IQGAP2: variants seen among roughly 807,000 people sequenced by gnomAD.
IQGAP2 encodes the protein ras GTPase-activating-like protein IQGAP2.
In IQGAP2, 173 loss-of-function variants were observed where a neutral mutation model predicts 201.3. The ratio of observed to expected loss-of-function variants is 0.86; its 90% CI spans 0.76 to 0.98. IQGAP2 has a LOEUF of 0.98. IQGAP2 is among the 50% of genes least tolerant of loss of function. The pLI, the probability that IQGAP2 is intolerant of heterozygous loss-of-function variation, is 0.00. For synonymous variants in IQGAP2, 675 were observed against 673.9 expected, an observed-to-expected ratio of 1.00 and a Z score of -0.03; for missense variants, 1,687 against 1,864.8, an observed-to-expected ratio of 0.90 and a Z score of 1.76.
chr5:76,488,739 C>T (rs993446903), intron 2 of IQGAP2, among the ~76,000 whole-genome samples: 1 of 152,182 alleles, frequency 6.6e-6, no homozygotes, highest in African/African-American at 2.4e-5. Context: ...TGCCCTTTCC[C>T]TGTAATGGCC....
Position 76,683,201 on chromosome 5 carries a change from C to T in IQGAP2, c.3747C>T (p.Thr1249=), listed in dbSNP as rs1745457121. 7.5e-6 allele frequency: 12 copies of T among 1,610,564 alleles called. No homozygotes were observed. Among genetic ancestry groups the T allele is most frequent in the African/African-American group, 2.7e-5 (2 of 74,652 alleles). ...TGGGGTCGCTGGGAGAGGTGCCAAC[C>T]GTGGAATCTTTTCTTGGTAAGAGCT... ...ELLGSLGEVP[T]VESFLGEGAV... Residue 1249 remains threonine, a synonymous_variant, in exon 29 of 36, where the codon ACC becomes ACT. Transcript: ENST00000274364.
intron 11 of IQGAP2, among the ~76,000 whole-genome samples, chr5:76,601,330 A>C (rs974114432): frequency 9.2e-5 from 14 of 152,234 alleles, no homozygotes; most frequent in African/African-American, 3.1e-4. Flanking sequence ...CATCCAGTCC[A>C]ATTCTTTTAT....
chr5:76,622,207 T>C (rs2069652), intron 13 of IQGAP2, among the ~76,000 whole-genome samples: 1,968 of 152,224 alleles, frequency 0.013, 49 homozygotes, highest in African/African-American at 0.044. Context: ...ATTAGCGTCT[T>C]GAAGGAACCA....
At chr5:76,492,335 T>TG (rs1212637048) in intron 2 of IQGAP2, among the ~76,000 whole-genome samples, 2 of 152,108 alleles carry the variant, frequency 1.3e-5, no homozygotes, top group Non-Finnish European at 2.9e-5. Flanking sequence ...CTCCTGTCCC[T>TG]GGAAGGCAGA....
intron 13 of IQGAP2, chr5:76,616,103 T>G (rs1012159767): frequency 6.6e-6 from 1 of 152,670 alleles, no homozygotes; most frequent in African/African-American, 2.4e-5. Flanking sequence ...TTCTCCATTA[T>G]ACTTGGTACT....
At chr5:76,590,614 G>T in intron 8 of IQGAP2, 28 bp downstream of exon 8, 1 of 1,545,758 alleles carries the variant, frequency 6.5e-7, no homozygotes. Context: ...AATAAAAACA[G>T]TAATGAATGT....
At chr5:76,466,975 G>T (rs989591659) in intron 2 of IQGAP2, among the ~76,000 whole-genome samples, 19 of 152,354 alleles carry the variant, frequency 1.2e-4, no homozygotes, top group African/African-American at 4.6e-4. Flanking sequence ...CTTAAGTCGG[G>T]TGAGGTGGCT....
rs1561517666 is a variant in IQGAP2, at chr5:76,618,656, AAAGT to A, written c.1521+7475_1521+7478del. On this transcript the variant is annotated intron_variant, in intron 13 of 35. Coordinates refer to ENST00000274364, the MANE Select transcript of IQGAP2 (RefSeq NM_006633.5). ...CATTTTCCATGCCTGTAATTGAAAGAAAGTATTAACATAAATGTATAGTTCAAGA... is the reference window on the plus strand; with the variant it reads ...CATTTTCCATGCCTGTAATTGAAAGAATTAACATAAATGTATAGTTCAAGA... 3 of 1,588,798 alleles carry A rather than the reference AAAGT, an allele frequency of 1.9e-6. No individual in the cohort carries two copies. The Admixed American group carries it at 5.1e-5, about 27-fold the overall frequency.
intron 5 of IQGAP2, among the ~76,000 whole-genome samples, chr5:76,583,728 A>G (rs905164): frequency 0.58 from 88,219 of 152,080 alleles, 26,780 homozygotes; most frequent in East Asian, 0.77. Flanking sequence ...GAAATTAAAA[A>G]TGTAATTGGA....
chr5:76,472,238 G>C (rs1319294097), intron 2 of IQGAP2, among the ~76,000 whole-genome samples: 1 of 152,244 alleles, frequency 6.6e-6, no homozygotes, highest in Non-Finnish European at 1.5e-5. Context: ...AACTTGTGAG[G>C]AGCCCAGACT....
At chr5:76,668,080 T>G (rs1462148608) in intron 22 of IQGAP2, among the ~76,000 whole-genome samples, 1 of 151,892 alleles carries the variant, frequency 6.6e-6, no homozygotes, top group Non-Finnish European at 1.5e-5. Context: ...ACAGGGTCTG[T>G]CCATGTTGCC....
At chr5:76,453,869 T>G (rs1440886743) in intron 1 of IQGAP2, among the ~76,000 whole-genome samples, 1 of 152,232 alleles carries the variant, frequency 6.6e-6, no homozygotes, top group East Asian at 1.9e-4. Flanking sequence ...TTCTTTCCCT[T>G]CTTCTAAATA....
At chr5:76,561,423 T>C (rs1744355421) in intron 2 of IQGAP2, among the ~76,000 whole-genome samples, 2 of 152,146 alleles carry the variant, frequency 1.3e-5, no homozygotes, top group South Asian at 2.1e-4. Context: ...ACTGTTTAAG[T>C]GTTGGCAGGA....
intron 13 of IQGAP2, among the ~76,000 whole-genome samples, chr5:76,619,610 G>A (rs963470988): frequency 4.7e-5 from 7 of 149,670 alleles, no homozygotes; most frequent in Non-Finnish European, 3.0e-5. Flanking sequence ...TCCGCCTCCC[G>A]GGTTCACGCC....
At chr5:76,416,213 C>A (rs1751397040) in intron 1 of IQGAP2, among the ~76,000 whole-genome samples, 1 of 152,208 alleles carries the variant, frequency 6.6e-6, no homozygotes, top group Admixed American at 6.5e-5. Context: ...AATGTGATCA[C>A]AGCCTGTATA....
intron 2 of IQGAP2, among the ~76,000 whole-genome samples, chr5:76,463,684 C>A (rs2150128138): frequency 6.6e-6 from 1 of 152,136 alleles, no homozygotes; most frequent in Middle Eastern, 3.4e-3. Flanking sequence ...ATTTCAGATT[C>A]TTTGAGGAAA....
Position 76,654,274 on chromosome 5 carries a change from A to T in IQGAP2, c.2250+3A>T. 6.3e-7 allele frequency: 1 copy of T among 1,591,986 alleles called. No individual in the cohort carries two copies. Among genetic ancestry groups the T allele is most frequent in the Non-Finnish European group, 8.6e-7 (1 of 1,164,824 alleles). ...GACTACAGTATTTCAGAGATCATGT[A>T]AGAAAAATGCCTGTGGGATTTTATC... On this transcript the variant is annotated splice_donor_region_variant and intron_variant, in intron 19 of 35. Transcript: ENST00000274364.
intron 5 of IQGAP2, among the ~76,000 whole-genome samples, chr5:76,577,399 G>A (rs1655098648): frequency 6.6e-6 from 1 of 152,076 alleles, no homozygotes; most frequent in African/African-American, 2.4e-5. Flanking sequence ...TATTTTCCAG[G>A]ACTGTGTTTT....
intron 4 of IQGAP2, among the ~76,000 whole-genome samples, chr5:76,571,386 G>A (rs1745106165): frequency 6.6e-6 from 1 of 151,980 alleles, no homozygotes; most frequent in Non-Finnish European, 1.5e-5. Context: ...GTTTTGCCTC[G>A]TCGGCCAGGC....
Sources: gnomAD v4.1 joint callset for allele counts (sites outside exome capture counted in the v4.1 genomes callset) on GRCh38, gnomAD v4.1.1 for gene constraint, MANE v1.5 for transcripts, NCBI Gene and HGNC (gene_info 2026-07-23, HGNC 2026-07-21) for gene names.